Variants in LRP1B observed in about 807,000 individuals in gnomAD.
The protein encoded by LRP1B is LDL receptor related protein 1B.
In LRP1B, 217 loss-of-function variants were observed where a neutral mutation model predicts 556.6. The ratio of observed to expected loss-of-function variants is 0.39; its 90% CI spans 0.35 to 0.44. The LOEUF is 0.44. Among genes scored for constraint, LRP1B ranks in the 20% least tolerant of loss-of-function variants. The pLI is 1.00. For missense variants in LRP1B, 5,053 were observed against 5,620.8 expected, an observed-to-expected ratio of 0.90 and a Z score of 3.23; for synonymous variants, 2,047 against 1,865.8, an observed-to-expected ratio of 1.10 and a Z score of -2.50.
chr2:140,557,434 A>G (rs763085492), intron 43 of LRP1B, among the ~76,000 whole-genome samples: 1 of 152,188 alleles, frequency 6.6e-6, no homozygotes. Flanking sequence ...GTAATACAAA[A>G]GTTAAAAAAT....
Position 141,880,050 on chromosome 2 carries a change from T to C in LRP1B, c.83-69649A>G, listed in dbSNP as rs368228603. 5.5e-3 allele frequency among the ~76,000 whole-genome samples: 356 copies of C among 64,162 alleles called. 1 individual carries two copies. Among genetic ancestry groups the C allele is most frequent in the African/African-American group, 0.012 (338 of 28,478 alleles). 42.1% of individuals were successfully genotyped at this position (64,162 alleles called of 152,430 possible). A position where few individuals can be genotyped will look rare whatever the true frequency, so the allele number is the denominator to read the frequency against. On this transcript the variant is annotated intron_variant, in intron 1 of 90. Coordinates refer to ENST00000389484, the MANE Select transcript of LRP1B (RefSeq NM_018557.3). ...CAGCTAATAACCTCACTTCACACTT[T>C]AGAAATTAGAATTAGACCAGAAGGT...
At chr2:141,678,649 G>T (rs1461047815) in intron 2 of LRP1B, among the ~76,000 whole-genome samples, 18 of 152,168 alleles carry the variant, frequency 1.2e-4, no homozygotes, top group Non-Finnish European at 2.6e-4. Context: ...TTAGTATTCA[G>T]AACACTCAAA....
chr2:141,401,935 C>T (rs899491044), intron 3 of LRP1B, among the ~76,000 whole-genome samples: 5 of 152,084 alleles, frequency 3.3e-5, no homozygotes, highest in African/African-American at 1.2e-4. Flanking sequence ...AGCAGTTTTT[C>T]AAATTTTTAA....
At chr2:140,236,933 T>G (rs1680731833) in intron 89 of LRP1B, among the ~76,000 whole-genome samples, 1 of 150,372 alleles carries the variant, frequency 6.7e-6, no homozygotes, top group South Asian at 2.1e-4. Flanking sequence ...TACTGTGTTT[T>G]GTTATGTTTT....
At chr2:142,103,652 G>T (rs577914183) in intron 1 of LRP1B, among the ~76,000 whole-genome samples, 16 of 151,804 alleles carry the variant, frequency 1.1e-4, no homozygotes, top group African/African-American at 3.6e-4. Flanking sequence ...ATGACAAAAG[G>T]GCATTTTTGT....
At chr2:140,417,213 C>T (rs1685239038) in intron 66 of LRP1B, among the ~76,000 whole-genome samples, 1 of 152,222 alleles carries the variant, frequency 6.6e-6, no homozygotes, top group Admixed American at 6.5e-5. Flanking sequence ...TGTGTCCGCA[C>T]TGACAGCATC....
intron 84 of LRP1B, among the ~76,000 whole-genome samples, chr2:140,288,329 TTAAACA>T (rs1176569195): frequency 6.6e-6 from 1 of 151,774 alleles, no homozygotes; most frequent in Admixed American, 6.6e-5. Flanking sequence ...TCTTTAATAG[TTAAACA>T]TAAAGGTTAT....
At chr2:141,698,739 A>G (rs1337890448) in intron 2 of LRP1B, among the ~76,000 whole-genome samples, 1 of 151,758 alleles carries the variant, frequency 6.6e-6, no homozygotes, top group Non-Finnish European at 1.5e-5. Context: ...CAGAACGGAA[A>G]AAAAAAAAGA....
At chr2:140,475,391 A>G in intron 59 of LRP1B, 54 bp from the exon 60 acceptor site, 1 of 1,341,192 alleles carries the variant, frequency 7.5e-7, no homozygotes, top group South Asian at 1.3e-5. Context: ...GGAGCAAAAC[A>G]ACAAACAATA....
At chr2:141,288,350 C>T (rs1355427559) in intron 3 of LRP1B, among the ~76,000 whole-genome samples, 1 of 151,718 alleles carries the variant, frequency 6.6e-6, no homozygotes, top group Non-Finnish European at 1.5e-5. Flanking sequence ...TAACATTAAT[C>T]ATAATTAACA....
intron 2 of LRP1B, among the ~76,000 whole-genome samples, chr2:141,704,195 T>C (rs1692056129): frequency 6.6e-6 from 1 of 151,958 alleles, no homozygotes; most frequent in South Asian, 2.1e-4. Context: ...TCAGGAATAT[T>C]TTTGAAAGTA....
chr2:141,023,524 T>A (rs528052844), intron 11 of LRP1B, among the ~76,000 whole-genome samples: 14 of 152,048 alleles, frequency 9.2e-5, no homozygotes, highest in Admixed American at 2.0e-4. Context: ...TTAAAGAGAG[T>A]GGTTTTGGGA....
intron 32 of LRP1B, among the ~76,000 whole-genome samples, chr2:140,779,174 T>C (rs1393648776): frequency 2.6e-5 from 4 of 152,066 alleles, no homozygotes; most frequent in Admixed American, 1.3e-4. Context: ...AATGAATATA[T>C]GCATGTAACA....
intron 6 of LRP1B, among the ~76,000 whole-genome samples, chr2:141,214,946 T>G (rs1682729922): frequency 6.6e-6 from 1 of 152,196 alleles, no homozygotes; most frequent in Non-Finnish European, 1.5e-5. Flanking sequence ...TATGCTAAAT[T>G]TATTCTAAAA....
chr2:140,585,930 T>G (rs1558985470), intron 43 of LRP1B, among the ~76,000 whole-genome samples: 1 of 152,200 alleles, frequency 6.6e-6, no homozygotes, highest in African/African-American at 2.4e-5. Flanking sequence ...TTAATAAGTC[T>G]TATTCCTGTT....
chr2:140,929,544 G>A (rs1345180230), intron 20 of LRP1B, among the ~76,000 whole-genome samples: 2 of 151,950 alleles, frequency 1.3e-5, no homozygotes, highest in East Asian at 1.9e-4. Context: ...TGAATGTCTT[G>A]GATATAACCT....
chr2:141,898,861 C>G (rs1249580625), intron 1 of LRP1B, among the ~76,000 whole-genome samples: 1 of 152,056 alleles, frequency 6.6e-6, no homozygotes, highest in Non-Finnish European at 1.5e-5. Flanking sequence ...CCAGGTGAGG[C>G]ACAGCATGGA....
At chr2:141,712,046 A>G (rs1483819849) in intron 2 of LRP1B, among the ~76,000 whole-genome samples, 2 of 152,144 alleles carry the variant, frequency 1.3e-5, no homozygotes, top group African/African-American at 4.8e-5. Flanking sequence ...GCAATATGAT[A>G]TACGAAGTTG....
chr2:141,743,146 G>T (rs1693775339), intron 2 of LRP1B, among the ~76,000 whole-genome samples: 1 of 151,812 alleles, frequency 6.6e-6, no homozygotes. Flanking sequence ...ATCATGAAGG[G>T]ATGTTGAATT....
Sources: allele counts gnomAD v4.1 joint callset (sites outside exome capture counted in the v4.1 genomes callset), GRCh38; gene constraint gnomAD v4.1.1; transcripts MANE v1.5; gene names NCBI Gene and HGNC (gene_info 2026-07-23, HGNC 2026-07-21).